The following PTP4A1 variants were observed in gnomAD, a reference collection of about 807,000 sequenced individuals.
The protein encoded by PTP4A1 is protein tyrosine phosphatase 4A1, also known as protein tyrosine phosphatase type IVA 1.
In PTP4A1, 9 loss-of-function variants were observed where a neutral mutation model predicts 20.5. That is an observed-to-expected ratio of 0.44 (90% CI 0.26 to 0.77). The LOEUF (loss-of-function observed/expected upper bound fraction) is 0.77, where lower values mean the gene tolerates loss of function less well. PTP4A1 is among the 30% of genes least tolerant of loss of function. The pLI, the probability that PTP4A1 is intolerant of heterozygous loss-of-function variation, is 0.19. For synonymous variants in PTP4A1, 78 were observed against 67.4 expected, an observed-to-expected ratio of 1.16 and a Z score of -0.77; for missense variants, 137 against 218.8, an observed-to-expected ratio of 0.63 and a Z score of 2.36.
intron 2 of PTP4A1, among the ~76,000 whole-genome samples, chr6:63,530,897 T>C (rs1448088121): frequency 6.6e-6 from 1 of 152,206 alleles, no homozygotes; most frequent in East Asian, 1.9e-4. Flanking sequence ...CTATCAGAGA[T>C]GTAATGATTA....
intron 3 of PTP4A1, among the ~76,000 whole-genome samples, chr6:63,563,581 T>A (rs1363261635): frequency 1.3e-5 from 2 of 152,238 alleles, no homozygotes; most frequent in African/African-American, 2.4e-5. Flanking sequence ...TATGCTTATT[T>A]ACTTGTTATT....
chr6:63,555,442 T>A (rs1330165317), intron 3 of PTP4A1, among the ~76,000 whole-genome samples: 2 of 152,238 alleles, frequency 1.3e-5, no homozygotes, highest in Non-Finnish European at 2.9e-5. Flanking sequence ...CTTTCTCCAG[T>A]GTCTTCAGTT....
At chr6:63,544,395 A>G (rs975462400) in intron 2 of PTP4A1, among the ~76,000 whole-genome samples, 1 of 152,182 alleles carries the variant, frequency 6.6e-6, no homozygotes, top group Admixed American at 6.6e-5. Context: ...TTAACACTTT[A>G]GTGTCCTAAA....
At chr6:63,573,427 G>T (rs890553382) in intron 1 of PTP4A1, 3 of 152,174 alleles carry the variant, frequency 2.0e-5, no homozygotes, top group Admixed American at 6.5e-5. Context: ...GCCGGGACCC[G>T]AGCCTCAGAC....
At chr6:63,573,402 CTCTT>C (rs1329707509) in intron 1 of PTP4A1, 1 of 152,242 alleles carries the variant, frequency 6.6e-6, no homozygotes, top group Non-Finnish European at 1.5e-5. Context: ...TGCAGCTACA[CTCTT>C]GTGCTCGACG....
At chr6:63,543,448 A>G (rs184437766) in intron 2 of PTP4A1, among the ~76,000 whole-genome samples, 3 of 152,342 alleles carry the variant, frequency 2.0e-5, no homozygotes, top group African/African-American at 7.2e-5. Flanking sequence ...GTAAATTATA[A>G]GCTCTTTATG....
At chr6:63,560,338 C>CAAAAAAAAAAAAA (rs369689231) in intron 3 of PTP4A1, among the ~76,000 whole-genome samples, 2 of 50,502 alleles carry the variant, frequency 4.0e-5, no homozygotes, top group African/African-American at 6.9e-5. Flanking sequence ...GACTCCGTCT[C>CAAAAAAAAAAAAA]AAAAAAAAAA....
At chr6:63,547,738 C>T (rs1266772340) in intron 2 of PTP4A1, among the ~76,000 whole-genome samples, 3 of 145,734 alleles carry the variant, frequency 2.1e-5, no homozygotes, top group African/African-American at 7.6e-5. Context: ...GTCTCGATCT[C>T]CTGACCTCAT....
chr6:63,529,277 C>T (rs1178531847), intron 2 of PTP4A1, among the ~76,000 whole-genome samples: 2 of 151,228 alleles, frequency 1.3e-5, no homozygotes, highest in Admixed American at 6.6e-5. Context: ...TCTGGAGTCT[C>T]AGAAAAATAA....
At chr6:63,522,503 ACAAG>A in intron 1 of PTP4A1, among the ~76,000 whole-genome samples, 2 of 152,252 alleles carry the variant, frequency 1.3e-5, no homozygotes, top group Non-Finnish European at 2.9e-5. Context: ...TGTATCCATG[ACAAG>A]CTTTAGTAAG....
intron 1 of PTP4A1, among the ~76,000 whole-genome samples, chr6:63,576,057 G>A (rs1024758305): frequency 6.6e-6 from 1 of 150,568 alleles, no homozygotes; most frequent in Admixed American, 6.6e-5. Flanking sequence ...AACAACTATC[G>A]AAAGGGATAA....
rs368712721 is a variant in PTP4A1, at chr6:63,531,478, A to G, written c.-640+3394A>G. Among the ~76,000 whole-genome samples, 17 of 146,896 alleles carry G rather than the reference A, an allele frequency of 1.2e-4. No individual in the cohort carries two copies. In the East Asian group the frequency reaches 1.8e-3, roughly 16 times the overall value. On this transcript the variant is annotated intron_variant, in intron 2 of 3. Coordinates refer to the PTP4A1 transcript ENST00000639568. ...CAAAATCCAGAAGAGATAATGTAAT[A>G]TTTGTATTAAGTTCCTGACCCATAT...
intron 2 of PTP4A1, among the ~76,000 whole-genome samples, chr6:63,545,032 G>T (rs1314922620): frequency 6.6e-6 from 1 of 152,082 alleles, no homozygotes; most frequent in Non-Finnish European, 1.5e-5. Flanking sequence ...ATTTCCAAAT[G>T]GTGATTTCTA....
At chr6:63,552,448 G>A (rs1475284058) in intron 3 of PTP4A1, among the ~76,000 whole-genome samples, 3 of 152,128 alleles carry the variant, frequency 2.0e-5, no homozygotes, top group Non-Finnish European at 4.4e-5. Flanking sequence ...TTTGTCAGAT[G>A]AGTAGGTTGC....
chr6:63,517,955 C>T (rs986359965), upstream of PTP4A1, among the ~76,000 whole-genome samples: 13 of 152,098 alleles, frequency 8.5e-5, no homozygotes, highest in South Asian at 2.1e-4. Context: ...GAGTTCAAGA[C>T]GAGCCTGGCC....
At chr6:63,580,034 T>C (rs1383181951) in intron 5 of PTP4A1, 23 bp from the exon 6 acceptor site, 2 of 176,468 alleles carry the variant, frequency 1.1e-5, no homozygotes, top group Non-Finnish European at 2.2e-5. Context: ...CCTTGTTTCA[T>C]TTTTTTTTTT....
chr6:63,576,409 C>G, intron 1 of PTP4A1, 27 bp from the exon 2 acceptor site: 1 of 399,600 alleles, frequency 2.5e-6, no homozygotes, highest in Non-Finnish European at 4.4e-6. Context: ...AACTTATTCT[C>G]TCTTTCTGTC....
At chr6:63,517,513 T>C (rs917390300), upstream of PTP4A1, among the ~76,000 whole-genome samples, 1 of 152,066 alleles carries the variant, frequency 6.6e-6, no homozygotes, top group Non-Finnish European at 1.5e-5. Context: ...TGGTGAAAGA[T>C]CTCCTGATGA....
chr6:63,549,378 G>A (rs932498245), intron 2 of PTP4A1: 36 of 753,962 alleles, frequency 4.8e-5, no homozygotes, highest in Non-Finnish European at 7.5e-5. Flanking sequence ...TGGGCTGAAT[G>A]TCCTGTCCAA....
Sources: gnomAD v4.1 joint callset for allele counts (sites outside exome capture counted in the v4.1 genomes callset) on GRCh38, gnomAD v4.1.1 for gene constraint, MANE v1.5 for transcripts, NCBI Gene and HGNC (gene_info 2026-07-23, HGNC 2026-07-21) for gene names.